KLF5: variants seen among roughly 807,000 people sequenced by gnomAD.
KLF5 encodes KLF transcription factor 5.
KLF5 carries 9 observed loss-of-function variants against 36.9 expected under a neutral mutation model. That is an observed-to-expected ratio of 0.24 (90% CI 0.15 to 0.43). KLF5 has a LOEUF of 0.43. Ranked by LOEUF, KLF5 falls within the 20% of genes least tolerant of loss-of-function variation. KLF5 has a pLI of 1.00. For synonymous variants in KLF5, 246 were observed against 241.7 expected (o/e 1.02, Z -0.17); for missense variants, 524 against 599.5 (o/e 0.87, Z 1.31).
chr13:73,076,146 G>A lies in KLF5; in HGVS notation c.*260G>A, dbSNP rs1023210526. The A allele has an allele frequency of 2.2e-5, 6 of 276,938 alleles. No homozygotes were observed. The highest frequency in any genetic ancestry group is 9.9e-4 in the Middle Eastern group (1 of 1,008). The allele number at this position is 276,938 out of a possible 1,614,324, so 17.2% of individuals were successfully genotyped here. On this transcript the variant is annotated 3_prime_UTR_variant, in exon 4 of 4. Transcript: ENST00000377687. Reference sequence around the variant, plus strand: ...ATCTCATCTCATGACAGGCAGCCACGTCTCAACATGGGTAAGGGGTGGGGG... The same window carrying A: ...ATCTCATCTCATGACAGGCAGCCACATCTCAACATGGGTAAGGGGTGGGGG...
chr13:73,066,215 C>G (rs1206510210), intron 3 of KLF5, among the ~76,000 whole-genome samples: 2 of 152,132 alleles, frequency 1.3e-5, no homozygotes, highest in African/African-American at 4.8e-5. Flanking sequence ...CTCCTCATTT[C>G]TCATTTCTAG....
At chr13:73,071,146 G>A (rs887804567) in intron 3 of KLF5, among the ~76,000 whole-genome samples, 7 of 152,212 alleles carry the variant, frequency 4.6e-5, no homozygotes, top group African/African-American at 1.4e-4. Context: ...ATATGTGCAA[G>A]TGCAAATTGA....
At position 73,075,949 on chromosome 13, in the gene KLF5, C is replaced by T; in HGVS notation, c.*63C>T. The T allele has an allele frequency of 2.3e-6, 3 of 1,327,938 alleles. No individual in the cohort carries two copies. The highest frequency in any genetic ancestry group is 3.0e-6 in the Non-Finnish European group (3 of 1,009,082). 82.3% of individuals were successfully genotyped at this position (1,327,938 alleles called of 1,614,324 possible). A position where few individuals can be genotyped will look rare whatever the true frequency, so the allele number is the denominator to read the frequency against. On this transcript the variant is annotated 3_prime_UTR_variant, in exon 4 of 4. Transcript: ENST00000377687. ...CCCTCAAATGACAGACCTAACTATT[C>T]CTGTGTAAAAACAACAAAAACAAAC...
At chr13:73,056,934 G>T (rs963817995), upstream of KLF5, among the ~76,000 whole-genome samples, 1 of 149,292 alleles carries the variant, frequency 6.7e-6, no homozygotes, top group East Asian at 1.9e-4. Flanking sequence ...TAGTTGTATG[G>T]TTTTTTTTTT....
At chr13:73,061,086 C>A (rs1158162563) in intron 1 of KLF5, among the ~76,000 whole-genome samples, 1 of 152,024 alleles carries the variant, frequency 6.6e-6, no homozygotes, top group African/African-American at 2.4e-5. Flanking sequence ...CCACGGGCTC[C>A]TTAGCAGCAC....
At chr13:73,059,853 A>G in intron 1 of KLF5, 2 of 955,020 alleles carry the variant, frequency 2.1e-6, no homozygotes, top group African/African-American at 3.5e-5. Context: ...AGAGGGAGGG[A>G]ACTGGGTGCT....
rs199661009 is a variant in KLF5, at chr13:73,061,872, A to G, written c.273A>G (p.Glu91=). 3 of 1,609,404 alleles carry G rather than the reference A, an allele frequency of 1.9e-6. No homozygotes were observed. Among genetic ancestry groups the G allele is most frequent in the Non-Finnish European group, 2.6e-6 (3 of 1,176,132 alleles). Residue 91 remains glutamate (E), a synonymous_variant, in exon 2 of 4, where the codon GAA becomes GAG. Transcript: ENST00000377687. ...CTCTTCTTTTTTAGACAAGATGTGAAATGGAGAAGTATCTGACACCTCAGC... is the reference window on the plus strand; with the variant it reads ...CTCTTCTTTTTTAGACAAGATGTGAGATGGAGAAGTATCTGACACCTCAGC... The part of the protein sequence containing the change: ...PPEDLVQTRC[E]MEKYLTPQLP...
chr13:73,061,596 C>CT (rs1566563301), intron 1 of KLF5, among the ~76,000 whole-genome samples: 1 of 152,212 alleles, frequency 6.6e-6, no homozygotes, highest in South Asian at 2.1e-4. Context: ...AGTTTGCTTT[C>CT]TTTTTTATTC....
intron 3 of KLF5, among the ~76,000 whole-genome samples, chr13:73,068,141 C>G (rs957217909): frequency 1.3e-5 from 2 of 152,092 alleles, no homozygotes; most frequent in African/African-American, 4.8e-5. Flanking sequence ...ACGCCAGACT[C>G]ACAAAATGGA....
chr13:73,063,965 G>A, intron 3 of KLF5, 82 bp downstream of exon 3: 1 of 702,564 alleles, frequency 1.4e-6, no homozygotes, highest in Non-Finnish European at 2.4e-6. Flanking sequence ...ACACGTGTTT[G>A]ATCTCTTCTC....
chr13:73,060,184 G>T (rs1029122572), intron 1 of KLF5, among the ~76,000 whole-genome samples: 1 of 149,532 alleles, frequency 6.7e-6, no homozygotes, highest in African/African-American at 2.5e-5. Flanking sequence ...AAAAAAGACC[G>T]GGGGTGTTGT....
At chr13:73,073,333 G>A (rs900204693) in intron 3 of KLF5, among the ~76,000 whole-genome samples, 1 of 152,214 alleles carries the variant, frequency 6.6e-6, no homozygotes, top group East Asian at 1.9e-4. Flanking sequence ...CTTGGCCCCA[G>A]TAACTAACAT....
intron 1 of KLF5, chr13:73,060,732 G>A (rs1255129010): frequency 7.9e-5 from 12 of 152,204 alleles, no homozygotes; most frequent in Admixed American, 7.9e-4. Context: ...CTGTTAAGGT[G>A]CCACAGCTAA....
intron 3 of KLF5, among the ~76,000 whole-genome samples, chr13:73,064,196 G>GA (rs999126893): frequency 1.1e-4 from 17 of 151,080 alleles, no homozygotes; most frequent in South Asian, 2.1e-4. Flanking sequence ...TGTTTTGAAG[G>GA]AAAAAAAACA....
At chr13:73,056,493 T>C (rs1377502675), upstream of KLF5, among the ~76,000 whole-genome samples, 1 of 152,268 alleles carries the variant, frequency 6.6e-6, no homozygotes, top group Non-Finnish European at 1.5e-5. Flanking sequence ...ATGTAGAACC[T>C]GGAACATTTG....
rs1487374842 is a variant in KLF5 at position 73,077,500 on chromosome 13, G to A, written c.*1614G>A. On this transcript the variant is annotated 3_prime_UTR_variant, in exon 4 of 4. Transcript: ENST00000377687. ...GAGAATGAGATGTTTATATATTAAC[G>A]ACAATTTTTTTTTTGGAAAATAAAA... 3.3e-5 allele frequency: 5 copies of A among 152,514 alleles called. No homozygotes were observed. The highest frequency in any genetic ancestry group is 1.3e-4 in the Admixed American group (2 of 15,256). The allele number at this position is 152,514 out of a possible 1,614,324, so 9.4% of individuals were successfully genotyped here.
At chr13:73,073,103 A>G (rs547108368) in intron 3 of KLF5, among the ~76,000 whole-genome samples, 6 of 152,360 alleles carry the variant, frequency 3.9e-5, no homozygotes, top group African/African-American at 1.4e-4. Context: ...TGAAAGCTCT[A>G]TCCTGTTGAA....
rs2044761227 is a variant in KLF5 at position 73,076,310 on chromosome 13, TC to T, written c.*425del. 1 of 157,456 alleles carries T rather than the reference TC, an allele frequency of 6.4e-6. No individual in the cohort carries two copies. 9.8% of individuals were successfully genotyped at this position (157,456 alleles called of 1,614,324 possible). A position where few individuals can be genotyped will look rare whatever the true frequency, so the allele number is the denominator to read the frequency against. ...TTTACTTGGCATTGAGTAGTTTTTT[TC>T]AATAGTAGGTAATTCCTTAGAGATA... On this transcript the variant is annotated 3_prime_UTR_variant, in exon 4 of 4. Coordinates refer to ENST00000377687, the MANE Select transcript of KLF5 (RefSeq NM_001730.5).
upstream of KLF5, among the ~76,000 whole-genome samples, chr13:73,055,465 T>C (rs2044577680): frequency 6.6e-6 from 1 of 152,224 alleles, no homozygotes; most frequent in Admixed American, 6.5e-5. Context: ...ATCTTCTCTC[T>C]TGTCTCGTAA....
Sources: allele counts gnomAD v4.1 joint callset (sites outside exome capture counted in the v4.1 genomes callset), GRCh38; gene constraint gnomAD v4.1.1; transcripts MANE v1.5; gene names NCBI Gene and HGNC (gene_info 2026-07-23, HGNC 2026-07-21).